PUM3: variants seen among roughly 807,000 people sequenced by gnomAD.
The protein encoded by PUM3 is pumilio homolog 3.
In PUM3, 91 loss-of-function variants were observed where a neutral mutation model predicts 84.0. That is an observed-to-expected ratio of 1.08 (90% CI 0.91 to 1.29). The LOEUF (loss-of-function observed/expected upper bound fraction) is 1.29. PUM3 is among the 50% of genes most tolerant of loss of function. The pLI is 0.00. For missense variants in PUM3, 1,067 were observed against 767.5 expected (o/e 1.39, Z -4.61); for synonymous variants, 321 against 266.7 (o/e 1.20, Z -1.98).
intron 13 of PUM3, among the ~76,000 whole-genome samples, chr9:2,813,659 T>C (rs967840195): frequency 6.6e-6 from 1 of 152,184 alleles, no homozygotes; most frequent in African/African-American, 2.4e-5. Flanking sequence ...ATGATGAGAT[T>C]AGTAATTTTA....
intron 10 of PUM3, among the ~76,000 whole-genome samples, chr9:2,825,488 T>C (rs1364888330): frequency 6.6e-6 from 1 of 151,900 alleles, no homozygotes; most frequent in East Asian, 1.9e-4. Context: ...ATTTACATTT[T>C]CTTTTTTTTT....
chr9:2,814,467 T>C (rs1198906074), intron 13 of PUM3, among the ~76,000 whole-genome samples: 2 of 152,152 alleles, frequency 1.3e-5, no homozygotes, highest in Non-Finnish European at 2.9e-5. Flanking sequence ...CACCTCAGCC[T>C]CCCAAACTGC....
In PUM3 at chr9:2,833,452, G is replaced by A; in HGVS notation, c.441-20C>T. The A allele has an allele frequency of 1.5e-6, 2 of 1,348,030 alleles. No homozygotes were observed. The highest frequency in any genetic ancestry group is 1.1e-6 in the Non-Finnish European group (1 of 950,714). 83.5% of individuals were successfully genotyped at this position (1,348,030 alleles called of 1,614,324 possible). The stretch of plus-strand genomic sequence containing the variant: ...TCTTTTCTACAAATGAGGAGAGGAA[G>A]GAAACACAGTTGAAATAAAGAAGTT... On this transcript the variant is annotated intron_variant, in intron 4 of 17. Coordinates refer to ENST00000397885, the MANE Select transcript of PUM3 (RefSeq NM_014878.5).
intron 3 of PUM3, among the ~76,000 whole-genome samples, chr9:2,836,354 G>C (rs755150194): frequency 1.3e-5 from 2 of 152,186 alleles, no homozygotes; most frequent in African/African-American, 2.4e-5. Context: ...TGCAAAGAAA[G>C]TAATGATATG....
chr9:2,837,347 G>C lies in PUM3; in HGVS notation c.137C>G (p.Pro46Arg), dbSNP rs1350757652. Residue 46 changes from proline to arginine, a missense_variant, in exon 3 of 18, where the codon CCT (proline) becomes CGT (arginine). Transcript: ENST00000397885. The part of the protein sequence containing the change: ...PTRKVAKEGG[P>R]KVTSRNFEKS... ...CTCAAAGTTCCTAGATGTGACTTTAGGTCCACCTTCTTTAGCAACTTTCCT... is the reference window on the plus strand; with the variant it reads ...CTCAAAGTTCCTAGATGTGACTTTACGTCCACCTTCTTTAGCAACTTTCCT... The C allele has an allele frequency of 2.5e-6, 4 of 1,613,824 alleles. No homozygotes were observed. Among genetic ancestry groups the C allele is most frequent in the Non-Finnish European group, 2.5e-6 (3 of 1,179,844 alleles).
chr9:2,827,680 C>T (rs1194453573), intron 9 of PUM3, among the ~76,000 whole-genome samples: 3 of 152,118 alleles, frequency 2.0e-5, no homozygotes, highest in Non-Finnish European at 4.4e-5. Flanking sequence ...CAGTGGAGGC[C>T]GATGGTCAGG....
At chr9:2,807,296 G>A (rs1404192382) in intron 17 of PUM3, among the ~76,000 whole-genome samples, 1 of 151,210 alleles carries the variant, frequency 6.6e-6, no homozygotes, top group Non-Finnish European at 1.5e-5. Flanking sequence ...CAAAAAGATG[G>A]TAGTTTAAAA....
intron 1 of PUM3, among the ~76,000 whole-genome samples, chr9:2,843,214 TC>T: frequency 6.6e-6 from 1 of 152,306 alleles, no homozygotes; most frequent in South Asian, 2.1e-4. Context: ...AGAACCTAGT[TC>T]CACTCTATCC....
chr9:2,833,869 G>C (rs1348053018), intron 4 of PUM3, among the ~76,000 whole-genome samples, 162 bp downstream of exon 4: 2 of 152,156 alleles, frequency 1.3e-5, no homozygotes, highest in African/African-American at 4.8e-5. Context: ...TCTGTGACGG[G>C]CAGACTTCCA....
At chr9:2,805,038 C>G (rs1821232766) in intron 17 of PUM3, among the ~76,000 whole-genome samples, 1 of 152,146 alleles carries the variant, frequency 6.6e-6, no homozygotes, top group African/African-American at 2.4e-5. Flanking sequence ...AAACCTGCCT[C>G]TACCACTCAG....
rs1181075108 is a variant in PUM3, at chr9:2,804,541, G to C, written c.1815-78C>G. 6 of 1,365,564 alleles carry C rather than the reference G, an allele frequency of 4.4e-6. No individual in the cohort carries two copies. The East Asian group carries it at 7.0e-5, about 16-fold the overall frequency. The allele number at this position is 1,365,564 out of a possible 1,614,324, so 84.6% of individuals were successfully genotyped here. ...TACTACCTGTACCAACAGTAAAAAA[G>C]ACTTTGTTAACTGTGACACAAGCCT... is the stretch of plus-strand genomic sequence containing the variant. On this transcript the variant is annotated intron_variant, in intron 17 of 17. Transcript: ENST00000397885.
intron 12 of PUM3, among the ~76,000 whole-genome samples, chr9:2,821,723 C>T (rs989172187): frequency 6.6e-6 from 1 of 152,106 alleles, no homozygotes; most frequent in Non-Finnish European, 1.5e-5. Context: ...ATTTAAAATG[C>T]AGGTATGAGC....
intron 1 of PUM3, 106 bp downstream of exon 1, chr9:2,843,939 A>T (rs1382509228): frequency 6.5e-6 from 1 of 153,462 alleles, no homozygotes; most frequent in Non-Finnish European, 1.5e-5. Flanking sequence ...AAGAGGCCAG[A>T]GGAGACTGCC....
chr9:2,840,192 G>C (rs1339714645), intron 1 of PUM3, among the ~76,000 whole-genome samples: 3 of 152,160 alleles, frequency 2.0e-5, no homozygotes, highest in African/African-American at 7.2e-5. Context: ...TACTGTTTAT[G>C]TTAACCGTGT....
At chr9:2,811,732 A>G (rs535172058) in intron 14 of PUM3, 149 bp from the exon 15 acceptor site, 3 of 630,572 alleles carry the variant, frequency 4.8e-6, no homozygotes, top group Middle Eastern at 5.9e-4. Flanking sequence ...GTAGACAATA[A>G]GTGATACGAG....
At chr9:2,812,182 G>A (rs1326278657) in intron 14 of PUM3, 38 bp downstream of exon 14, 2 of 1,582,198 alleles carry the variant, frequency 1.3e-6, no homozygotes, top group East Asian at 2.2e-5. Context: ...AACATTAACA[G>A]AGGAATAAAG....
At chr9:2,810,009 C>A (rs963542840) in intron 16 of PUM3, among the ~76,000 whole-genome samples, 1 of 151,550 alleles carries the variant, frequency 6.6e-6, no homozygotes, top group Non-Finnish European at 1.5e-5. Context: ...CCCCCTCTCA[C>A]CATCCTCATT....
At chr9:2,839,288 C>T (rs949467523) in intron 1 of PUM3, among the ~76,000 whole-genome samples, 1 of 152,120 alleles carries the variant, frequency 6.6e-6, no homozygotes, top group Non-Finnish European at 1.5e-5. Context: ...CAAAGTTGGA[C>T]GATCAACTCA....
At chr9:2,835,178 TGAA>T (rs895990983) in intron 3 of PUM3, among the ~76,000 whole-genome samples, 1 of 152,148 alleles carries the variant, frequency 6.6e-6, no homozygotes, top group Non-Finnish European at 1.5e-5. Context: ...TTTGGAAGGC[TGAA>T]GAAGAAGAAT....
Sources: gnomAD v4.1 joint callset for allele counts (sites outside exome capture counted in the v4.1 genomes callset) on GRCh38, gnomAD v4.1.1 for gene constraint, MANE v1.5 for transcripts, NCBI Gene and HGNC (gene_info 2026-07-23, HGNC 2026-07-21) for gene names.